EML2: variants seen among roughly 807,000 people sequenced by gnomAD.
EML2 encodes EMAP like 2.
EML2 carries 59 observed loss-of-function variants against 84.7 expected under a neutral mutation model. The observed-to-expected ratio is 0.70, with a 90% CI of 0.56 to 0.86. EML2 has a LOEUF of 0.86. EML2 is among the 40% of genes least tolerant of loss of function. The probability of loss-of-function intolerance (pLI) is 0.00; values close to 1 mark genes in which losing one functional copy is unlikely to be tolerated. For synonymous variants in EML2, 352 were observed against 348.9 expected, an observed-to-expected ratio of 1.01 and a Z score of -0.10; for missense variants, 818 against 855.6, an observed-to-expected ratio of 0.96 and a Z score of 0.55.
In EML2 at chr19:45,621,526, A is replaced by G. The variant is rs187856255; in HGVS notation, c.953T>C (p.Val318Ala). The change falls in exon 10 of 19, where the codon GTG becomes GCG. Residue 318 changes from valine (V) to alanine (A), a missense_variant. Coordinates refer to ENST00000245925, the MANE Select transcript of EML2 (RefSeq NM_012155.4). ...LVSGGGRDRR[V>A]VLWGSDYSKL... Reference sequence around the variant, plus strand: ...GCTGTAGTCAGAACCCCAGAGGACCACCCGCCGATCACGGCCCCCTCCAGA... The same window carrying G: ...GCTGTAGTCAGAACCCCAGAGGACCGCCCGCCGATCACGGCCCCCTCCAGA... The G allele has an allele frequency of 6.3e-7, 1 of 1,591,656 alleles. No homozygotes were observed.
Position 45,613,572 on chromosome 19 carries a change from T to C in EML2, c.1793A>G (p.His598Arg). 1 of 1,614,024 alleles carries C rather than the reference T, an allele frequency of 6.2e-7. No individual in the cohort carries two copies. Among genetic ancestry groups the C allele is most frequent in the Non-Finnish European group, 8.5e-7 (1 of 1,179,990 alleles). The change falls in exon 18 of 19, where the codon CAC (histidine) becomes CGC (arginine). Residue 598 changes from histidine to arginine, a missense_variant. Physicochemically the swap from His to Arg is conservative, Grantham distance 29 (BLOSUM62 0). Coordinates refer to ENST00000245925, the MANE Select transcript of EML2 (RefSeq NM_012155.4). ...CTGACAGCAGGGGTAGCTAAACAGG[T>C]GAACTTTGCCAAAGTCATCAGCTGA... Reference protein sequence around the residue: ...LASADDFGKVHLFSYPCCQPR... With the variant: ...LASADDFGKVRLFSYPCCQPR...
At position 45,613,614 on chromosome 19, in the gene EML2, T is replaced by C; in HGVS notation, c.1751A>G (p.Asp584Gly). The C allele has an allele frequency of 6.2e-7, 1 of 1,614,050 alleles. No homozygotes were observed. The highest frequency in any genetic ancestry group is 8.5e-7 in the Non-Finnish European group (1 of 1,180,000). ...ATCAGCTGAAGCCAGCAACTTCCCA[T>C]CATGAGAGCGGGCCACAGCGTTGAT... ...TDINAVARSHDGKLLASADDF... is the reference protein window; with the variant it reads ...TDINAVARSHGGKLLASADDF... Residue 584 changes from aspartate to glycine, a missense_variant, in exon 18 of 19, where the codon GAT becomes GGT. Coordinates refer to ENST00000245925, the MANE Select transcript of EML2 (RefSeq NM_012155.4).
At chr19:45,620,538 A>AT (rs1281140468) in intron 11 of EML2, among the ~76,000 whole-genome samples, 1 of 151,718 alleles carries the variant, frequency 6.6e-6, no homozygotes, top group African/African-American at 2.4e-5. Context: ...GTGAAAACCC[A>AT]TTTCTACTAA....
upstream of EML2, chr19:45,643,733 C>A: frequency 6.5e-7 from 1 of 1,526,944 alleles, no homozygotes; most frequent in Non-Finnish European, 8.8e-7. Context: ...GCAGTGCAGC[C>A]GCCGCTCCTC....
At position 45,634,471 on chromosome 19, in the gene EML2, G is replaced by C; in HGVS notation, c.180C>G (p.Val60=). The stretch of plus-strand genomic sequence containing the variant: ...GGCAGTCTCGGCCACGGTAGCCATA[G>C]CTGGAGCCACCCAGGGGCTGGTTAA... ...LPSCRLKLEW[V]YGYRGRDCRA... The change falls in exon 4 of 19, where the codon GTC becomes GTG. Residue 60 remains valine (V), a splice_region_variant and synonymous_variant. Transcript: ENST00000245925. 3 of 1,611,248 alleles carry C rather than the reference G, an allele frequency of 1.9e-6. No individual in the cohort carries two copies. Among genetic ancestry groups the C allele is most frequent in the Non-Finnish European group, 2.5e-6 (3 of 1,178,794 alleles).
At chr19:45,624,372 A>T (rs1391030051) in intron 9 of EML2, among the ~76,000 whole-genome samples, 1 of 152,018 alleles carries the variant, frequency 6.6e-6, no homozygotes, top group African/African-American at 2.4e-5. Flanking sequence ...TTATTCATTG[A>T]TCCACACGCT....
Position 45,614,936 on chromosome 19 carries a change from C to G in EML2, c.1598-236G>C. ...TCTGGCCGGGCATGGTGGCTCACGT[C>G]TGTAATCCCAGGAGGCAGCATGAGC... is the stretch of plus-strand genomic sequence containing the variant. On this transcript the variant is annotated intron_variant, in intron 16 of 18. Transcript: ENST00000245925. The G allele has an allele frequency of 1.2e-5, 5 of 432,326 alleles. 1 individual carries two copies. In the South Asian group the frequency reaches 1.2e-4, roughly 10 times the overall value. The allele number at this position is 432,326 out of a possible 1,614,324, so 26.8% of individuals were successfully genotyped here.
At chr19:45,617,380 A>AC (rs2122634016) in intron 13 of EML2, among the ~76,000 whole-genome samples, 1 of 150,668 alleles carries the variant, frequency 6.6e-6, no homozygotes, top group East Asian at 1.9e-4. Flanking sequence ...ACATGGTGAA[A>AC]CCCCGTCTCT....
chr19:45,619,676 C>T (rs1263431110), intron 11 of EML2, among the ~76,000 whole-genome samples: 1 of 152,198 alleles, frequency 6.6e-6, no homozygotes, highest in East Asian at 1.9e-4. Flanking sequence ...GTGACATCTC[C>T]TTGGGACCTC....
Position 45,632,906 on chromosome 19 carries a change from C to T in EML2, c.465G>A (p.Leu155=). Residue 155 remains leucine, a synonymous_variant, in exon 6 of 19, where the codon TTG becomes TTA. Coordinates refer to ENST00000245925, the MANE Select transcript of EML2 (RefSeq NM_012155.4). ...VSLSTLHVLG[L]GVFDRAVCCV... is the part of the protein sequence containing the mutation. ...AGCACACGGCTCTGTCAAACACCCC[C>T]AAGCCCAGCACGTGTAAGGTGGAGA... 6.2e-7 allele frequency: 1 copy of T among 1,614,210 alleles called. No individual in the cohort carries two copies. Among genetic ancestry groups the T allele is most frequent in the Non-Finnish European group, 8.5e-7 (1 of 1,180,034 alleles).
At chr19:45,636,188 G>T (rs886675911) in intron 3 of EML2, among the ~76,000 whole-genome samples, 1 of 152,078 alleles carries the variant, frequency 6.6e-6, no homozygotes, top group African/African-American at 2.4e-5. Context: ...TGCCCAGGCT[G>T]GTCTCAAATT....
chr19:45,636,072 G>C (rs1336412446), intron 3 of EML2, among the ~76,000 whole-genome samples: 1 of 152,124 alleles, frequency 6.6e-6, no homozygotes, highest in African/African-American at 2.4e-5. Flanking sequence ...CTGGGCTTAA[G>C]TGATCCTCCT....
upstream of EML2, chr19:45,641,877 A>G: frequency 6.8e-7 from 1 of 1,461,548 alleles, no homozygotes; most frequent in Non-Finnish European, 9.0e-7. Context: ...GTCTCCCACG[A>G]GGTCTTGGAA....
upstream of EML2, chr19:45,641,512 G>T: frequency 1.1e-6 from 1 of 911,500 alleles, no homozygotes; most frequent in Non-Finnish European, 1.7e-6. Context: ...CAAGGCTCTG[G>T]CACCGTCCCC....
upstream of EML2, chr19:45,639,994 C>CAA (rs1974269088): frequency 8.4e-6 from 1 of 119,550 alleles, no homozygotes; most frequent in Non-Finnish European, 1.8e-5. Flanking sequence ...GACTCCGTCT[C>CAA]AAAATAAATA....
chr19:45,616,428 G>T (rs749878867), intron 15 of EML2, 33 bp downstream of exon 15: 89 of 1,530,496 alleles, frequency 5.8e-5, no homozygotes, highest in Non-Finnish European at 7.6e-5. Flanking sequence ...TGGGCGGGGT[G>T]GCGGCGCGGG....
rs201844947 is a variant in EML2, at chr19:45,638,512, C to A, written c.172G>T (p.Glu58Ter). Residue 58 changes from glutamate (E) to a stop codon, truncating the protein, a stop_gained, in exon 3 of 19, where the codon GAG becomes TAG. Coordinates refer to ENST00000245925, the MANE Select transcript of EML2 (RefSeq NM_012155.4). LOFTEE classifies it high-confidence loss of function. The stretch of plus-strand genomic sequence containing the variant: ...ATTCCAGCAAAAGGATACACCCACT[C>A]CAGCTTGAGCCGGCAAGAAGGCAGC... Reference protein sequence around the residue: ...SELPSCRLKLEWVYGYRGRDC... With the variant: ...SELPSCRLKL 6.8e-6 allele frequency: 11 copies of A among 1,613,956 alleles called. No homozygotes were observed.
chr19:45,638,984 G>T lies in EML2; in HGVS notation c.21-111C>A, dbSNP rs1180801284. 3.1e-6 allele frequency: 4 copies of T among 1,295,272 alleles called. No individual in the cohort carries two copies. In the African/African-American group the frequency reaches 5.8e-5, roughly 19 times the overall value. The allele number at this position is 1,295,272 out of a possible 1,614,324, so 80.2% of individuals were successfully genotyped here. On this transcript the variant is annotated intron_variant, in intron 1 of 18. Transcript: ENST00000245925. ...CCCGGAGGTCTCCGATGAAAACGGG[G>T]CCGAGTAAGGGGCAGAGCGCTGCCT... is the stretch of plus-strand genomic sequence containing the variant.
chr19:45,635,280 A>G (rs1207197434), intron 3 of EML2, among the ~76,000 whole-genome samples: 1 of 152,100 alleles, frequency 6.6e-6, no homozygotes, highest in Non-Finnish European at 1.5e-5. Flanking sequence ...CTGGGACTAC[A>G]GGCAGATGCC....
Sources: allele counts gnomAD v4.1 joint callset (sites outside exome capture counted in the v4.1 genomes callset), GRCh38; gene constraint gnomAD v4.1.1; transcripts MANE v1.5; gene names NCBI Gene and HGNC (gene_info 2026-07-23, HGNC 2026-07-21).